Variants in MAP3K4 observed in about 807,000 individuals in gnomAD.
The protein encoded by MAP3K4 is MAP three kinase 1.
MAP3K4 carries 67 observed loss-of-function variants against 185.6 expected under a neutral mutation model. The observed-to-expected ratio is 0.36, with a 90% CI of 0.30 to 0.44. The LOEUF is 0.44. Ranked by LOEUF, MAP3K4 falls within the 20% of genes least tolerant of loss-of-function variation. The probability of loss-of-function intolerance (pLI) is 1.00; values close to 1 mark genes in which losing one functional copy is unlikely to be tolerated. For synonymous variants in MAP3K4, 702 were observed against 710.4 expected (o/e 0.99, Z 0.19); for missense variants, 1,551 against 1,995.1 (o/e 0.78, Z 4.24).
In MAP3K4 at chr6:161,112,088, C is replaced by T; in HGVS notation, c.4519+130C>T. The T allele has an allele frequency of 1.6e-6, 2 of 1,215,848 alleles. No homozygotes were observed. The highest frequency in any genetic ancestry group is 1.8e-5 in the South Asian group (1 of 56,910). 75.3% of individuals were successfully genotyped at this position (1,215,848 alleles called of 1,614,324 possible). A position where few individuals can be genotyped will look rare whatever the true frequency, so the allele number is the denominator to read the frequency against. ...TAAAGGTTTTCAGTCGTGAGAAGGA[C>T]CACTTCCTCACACACTTGGGCTCCC... is the stretch of plus-strand genomic sequence containing the variant. On this transcript the variant is annotated intron_variant, in intron 24 of 26. Coordinates refer to ENST00000392142, the MANE Select transcript of MAP3K4 (RefSeq NM_005922.4). This position sits in a 1 kb window ranked among gnomAD's most constrained non-coding sequence, Gnocchi z 5.1.
At chr6:161,059,862 CTT>C (rs34694172) in intron 3 of MAP3K4, among the ~76,000 whole-genome samples, 1 of 146,734 alleles carries the variant, frequency 6.8e-6, no homozygotes. Flanking sequence ...TTCCCCCTGC[CTT>C]TTTTTTTTTG....
chr6:161,052,094 CAT>C (rs1453906630), intron 3 of MAP3K4, among the ~76,000 whole-genome samples: 1 of 152,122 alleles, frequency 6.6e-6, no homozygotes, highest in East Asian at 1.9e-4. Flanking sequence ...GAGAGCAGCA[CAT>C]GAGAAGAGGC....
chr6:160,995,933 C>T (rs1780968195), intron 1 of MAP3K4, among the ~76,000 whole-genome samples: 1 of 152,132 alleles, frequency 6.6e-6, no homozygotes, highest in African/African-American at 2.4e-5. Flanking sequence ...TGAGTACATG[C>T]TGCATAAATT....
At position 161,077,274 on chromosome 6, in the gene MAP3K4, A is replaced by G. The variant is rs1338230193; in HGVS notation, c.2098-3607A>G. The stretch of plus-strand genomic sequence containing the variant: ...TTCTGGTACCTTATTTCTTATTGAA[A>G]AAAATATCTACATGTACCCCGGAAC... On this transcript the variant is annotated intron_variant, in intron 5 of 26. Coordinates refer to ENST00000392142, the MANE Select transcript of MAP3K4 (RefSeq NM_005922.4). This position sits in a 1 kb window ranked among gnomAD's most constrained non-coding sequence, Gnocchi z 4.3. Among the ~76,000 whole-genome samples the G allele has an allele frequency of 1.3e-5, 2 of 152,216 alleles. No homozygotes were observed. The highest frequency in any genetic ancestry group is 2.9e-5 in the Non-Finnish European group (2 of 68,036).
At position 161,116,950 on chromosome 6, in the gene MAP3K4, C is replaced by T; in HGVS notation, c.*80C>T. 1 of 1,342,596 alleles carries T rather than the reference C, an allele frequency of 7.4e-7. No homozygotes were observed. The highest frequency in any genetic ancestry group is 1.2e-5 in the South Asian group (1 of 84,240). 83.2% of individuals were successfully genotyped at this position (1,342,596 alleles called of 1,614,324 possible). On this transcript the variant is annotated 3_prime_UTR_variant, in exon 27 of 27. Transcript: ENST00000392142. This position sits in a 1 kb window ranked among gnomAD's most constrained non-coding sequence, Gnocchi z 6.2. ...TTTACATAAAGACTGTGCTGAGAAG[C>T]AGTATAAGCCTTTTTAACCTTCCAA...
chr6:161,076,862 C>T lies in MAP3K4; in HGVS notation c.2097+3250C>T, dbSNP rs997630487. On this transcript the variant is annotated intron_variant, in intron 5 of 26. Coordinates refer to ENST00000392142, the MANE Select transcript of MAP3K4 (RefSeq NM_005922.4). The surrounding 1 kb of genome is among the most constrained non-coding windows in gnomAD (Gnocchi z 4.2). ...CGGGGACCAAGGAACTAGTGCCGAGCGTAAACTCCCTCTTAGAGTTTAAGA... is the reference window on the plus strand; with the variant it reads ...CGGGGACCAAGGAACTAGTGCCGAGTGTAAACTCCCTCTTAGAGTTTAAGA... Among the ~76,000 whole-genome samples the T allele has an allele frequency of 2.0e-5, 3 of 152,092 alleles. No individual in the cohort carries two copies. The highest frequency in any genetic ancestry group is 4.4e-5 in the Non-Finnish European group (3 of 68,032).
chr6:161,055,841 C>T (rs1784210484), intron 3 of MAP3K4, among the ~76,000 whole-genome samples: 1 of 152,142 alleles, frequency 6.6e-6, no homozygotes, highest in Non-Finnish European at 1.5e-5. Context: ...TTTTCCTTTC[C>T]ATACTCCAAT....
At chr6:161,095,077 A>G (rs1777508277) in intron 15 of MAP3K4, among the ~76,000 whole-genome samples, 1 of 152,206 alleles carries the variant, frequency 6.6e-6, no homozygotes, top group Non-Finnish European at 1.5e-5. Flanking sequence ...ATCCAAAGGT[A>G]GTCCCGGGTA....
chr6:161,007,439 A>G lies in MAP3K4; in HGVS notation c.152+15356A>G, dbSNP rs1175973579. Among the ~76,000 whole-genome samples, 3 of 152,176 alleles carry G rather than the reference A, an allele frequency of 2.0e-5. No homozygotes were observed. The highest frequency in any genetic ancestry group is 4.4e-5 in the Non-Finnish European group (3 of 68,032). ...ACATGGTGGTCCTTTGAGGTTAGCC[A>G]TTTCTTGGAACACAGAACGTGGATT... On this transcript the variant is annotated intron_variant, in intron 1 of 26. Transcript: ENST00000392142. This position sits in a 1 kb window ranked among gnomAD's most constrained non-coding sequence, Gnocchi z 4.5.
At position 161,043,692 on chromosome 6, in the gene MAP3K4, G is replaced by A. The variant is rs986625163; in HGVS notation, c.344-4924G>A. On this transcript the variant is annotated intron_variant, in intron 2 of 26. Transcript: ENST00000392142. The surrounding 1 kb of genome is among the most constrained non-coding windows in gnomAD (Gnocchi z 4.3). ...GCCATTGTAGCCATGTCAGAGATAC[G>A]TGCACTTTAGCAGGAACGCAGTGAT... 2.6e-5 allele frequency among the ~76,000 whole-genome samples: 4 copies of A among 152,192 alleles called. No homozygotes were observed. The highest frequency in any genetic ancestry group is 9.6e-5 in the African/African-American group (4 of 41,452).
rs904313638 is a variant in MAP3K4 at position 161,080,699 on chromosome 6, A to T, written c.2098-182A>T. On this transcript the variant is annotated intron_variant, in intron 5 of 26. Transcript: ENST00000392142. The surrounding 1 kb of genome is among the most constrained non-coding windows in gnomAD (Gnocchi z 4.8). The stretch of plus-strand genomic sequence containing the variant: ...TGGGGAGTTAGTTTTGTGATTTTTT[A>T]AAAAATCCTCATTTAGACCTCAGCT... The T allele has an allele frequency of 6.0e-5, 33 of 550,996 alleles. No individual in the cohort carries two copies. Among genetic ancestry groups the T allele is most frequent in the East Asian group, 2.2e-4 (7 of 31,768 alleles). 34.1% of individuals were successfully genotyped at this position (550,996 alleles called of 1,614,324 possible).
chr6:161,057,689 C>T (rs965565245), intron 3 of MAP3K4, among the ~76,000 whole-genome samples: 4 of 152,134 alleles, frequency 2.6e-5, no homozygotes, highest in South Asian at 2.1e-4. Context: ...AGTGCTCTTC[C>T]GCCCCATGCC....
chr6:161,060,486 T>C (rs981051155), intron 3 of MAP3K4, among the ~76,000 whole-genome samples: 9 of 152,226 alleles, frequency 5.9e-5, no homozygotes, highest in African/African-American at 1.9e-4. Context: ...AATGGGAACA[T>C]ATTCAATTGG....
Position 161,088,005 on chromosome 6 carries a change from A to G in MAP3K4, c.2823+51A>G, listed in dbSNP as rs1387582521. The G allele has an allele frequency of 1.9e-6, 3 of 1,557,816 alleles. No individual in the cohort carries two copies. Among genetic ancestry groups the G allele is most frequent in the South Asian group, 1.2e-5 (1 of 83,540 alleles). ...CAGTGTTACTTCAAGGACTTTTAGT[A>G]AGAATGAACTGTTAGCTGCTCATGA... On this transcript the variant is annotated intron_variant, in intron 10 of 26. Transcript: ENST00000392142. This position sits in a 1 kb window ranked among gnomAD's most constrained non-coding sequence, Gnocchi z 4.5.
At chr6:161,057,572 G>T (rs887846754) in intron 3 of MAP3K4, among the ~76,000 whole-genome samples, 4 of 152,108 alleles carry the variant, frequency 2.6e-5, no homozygotes, top group African/African-American at 9.7e-5. Flanking sequence ...TCTCCCAGTG[G>T]GGGACACGAG....
intron 13 of MAP3K4, 83 bp from the exon 14 acceptor site, chr6:161,092,895 T>G (rs1182083129): frequency 5.2e-6 from 4 of 762,584 alleles, no homozygotes; most frequent in African/African-American, 1.8e-5. Flanking sequence ...TATAATTATG[T>G]TACTTTTCAG....
chr6:160,993,304 G>T (rs1780827825), intron 1 of MAP3K4, among the ~76,000 whole-genome samples: 1 of 152,078 alleles, frequency 6.6e-6, no homozygotes, highest in South Asian at 2.1e-4. Flanking sequence ...TAGAAATTTT[G>T]TCAGAAAGTT....
At chr6:160,997,547 G>C (rs1781057694) in intron 1 of MAP3K4, among the ~76,000 whole-genome samples, 2 of 152,168 alleles carry the variant, frequency 1.3e-5, no homozygotes, top group African/African-American at 4.8e-5. Context: ...TTCTTAAGAA[G>C]ATTCTCAAGT....
At position 161,107,227 on chromosome 6, in the gene MAP3K4, A is replaced by C. The variant is rs1219086167; in HGVS notation, c.4048+522A>C. ...TGTGAGGGAAGAAGTCTTGTGTTTCAGATCCTTTCCCCACTTAAATATATT... is the reference window on the plus strand; with the variant it reads ...TGTGAGGGAAGAAGTCTTGTGTTTCCGATCCTTTCCCCACTTAAATATATT... On this transcript the variant is annotated intron_variant, in intron 20 of 26. Coordinates refer to ENST00000392142, the MANE Select transcript of MAP3K4 (RefSeq NM_005922.4). The surrounding 1 kb of genome is among the most constrained non-coding windows in gnomAD (Gnocchi z 6.2). 6.6e-6 allele frequency among the ~76,000 whole-genome samples: 1 copy of C among 152,176 alleles called. No homozygotes were observed. Among genetic ancestry groups the C allele is most frequent in the Non-Finnish European group, 1.5e-5 (1 of 68,024 alleles).
Sources: allele counts gnomAD v4.1 joint callset (sites outside exome capture counted in the v4.1 genomes callset), GRCh38; gene constraint gnomAD v4.1.1; non-coding constraint Gnocchi (gnomAD v3.1); transcripts MANE v1.5; gene names NCBI Gene and HGNC (gene_info 2026-07-23, HGNC 2026-07-21).